APOL1: variants seen among roughly 807,000 people sequenced by gnomAD.
APOL1 encodes the protein apolipoprotein L1, also known as apolipoprotein L 1.
APOL1 carries 17 observed loss-of-function variants against 14.9 expected under a neutral mutation model. The observed-to-expected ratio is 1.14, with a 90% confidence interval of 0.78 to 1.71. APOL1 has a LOEUF of 1.71. Ranked by LOEUF, APOL1 falls within the 40% of genes most tolerant of loss-of-function variation. The probability of loss-of-function intolerance (pLI) is 0.00; values close to 1 mark genes in which losing one functional copy is unlikely to be tolerated. For missense variants in APOL1, 523 were observed against 485.9 expected, an observed-to-expected ratio of 1.08 and a Z score of -0.72; for synonymous variants, 195 against 184.8, an observed-to-expected ratio of 1.05 and a Z score of -0.45.
chr22:36,265,081 G>A (rs867278256), intron 5 of APOL1, 70 bp from the exon 6 acceptor site: 4 of 1,584,800 alleles, frequency 2.5e-6, no homozygotes, highest in Non-Finnish European at 2.6e-6. Context: ...AAAGTGCTGG[G>A]ATTACAGGTG....
In APOL1 at chr22:36,266,015, G is replaced by A. The variant is rs2016249598; in HGVS notation, c.1179G>A (p.Gln393=). The change falls in exon 6 of 6, where the codon CAG becomes CAA. Residue 393 remains glutamine (Q), a synonymous_variant. Coordinates refer to ENST00000397278, the MANE Select transcript of APOL1 (RefSeq NM_003661.4). ...NILNNNYKIL[Q]ADQEL is the part of the protein sequence containing the mutation. The stretch of plus-strand genomic sequence containing the variant: ...TCAACAATAATTATAAGATTCTGCA[G>A]GCGGACCAAGAACTGTGACCACAGG... 1.2e-6 allele frequency: 2 copies of A among 1,607,632 alleles called. No individual in the cohort carries two copies. Among genetic ancestry groups the A allele is most frequent in the Non-Finnish European group, 1.7e-6 (2 of 1,176,540 alleles).
At chr22:36,259,936 A>G in intron 4 of APOL1, 2 of 1,267,216 alleles carry the variant, frequency 1.6e-6, no homozygotes, top group South Asian at 1.3e-5. Flanking sequence ...ATAAGGGAGA[A>G]TGCAGAGACC....
chr22:36,259,744 G>C, intron 4 of APOL1: 1 of 1,304,280 alleles, frequency 7.7e-7, no homozygotes, highest in Non-Finnish European at 1.0e-6. Flanking sequence ...AGGCAACATG[G>C]AGGTGCCTCA....
In APOL1 at chr22:36,265,298, C is replaced by T. The variant is rs1263199748; in HGVS notation, c.462C>T (p.Asn154=). The change falls in exon 6 of 6, where the codon AAC becomes AAT. Residue 154 remains asparagine (N), a synonymous_variant. Transcript: ENST00000397278. ...FPRLKSELED[N]IRRLRALADG... ...GGTTGAAAAGTGAGCTTGAGGATAACATAAGAAGGCTCCGTGCCCTTGCAG... is the reference window on the plus strand; with the variant it reads ...GGTTGAAAAGTGAGCTTGAGGATAATATAAGAAGGCTCCGTGCCCTTGCAG... 4 of 1,613,566 alleles carry T rather than the reference C, an allele frequency of 2.5e-6. No individual in the cohort carries two copies. Among genetic ancestry groups the T allele is most frequent in the South Asian group, 2.2e-5 (2 of 91,038 alleles).
intron 4 of APOL1, chr22:36,257,671 G>T: frequency 3.0e-6 from 1 of 336,460 alleles, no homozygotes; most frequent in Non-Finnish European, 5.7e-6. Context: ...AGTGGGGCAG[G>T]ACATCCTTGG....
intron 4 of APOL1, among the ~76,000 whole-genome samples, chr22:36,258,051 T>C (rs1569533874): frequency 6.6e-6 from 1 of 152,228 alleles, no homozygotes; most frequent in South Asian, 2.1e-4. Context: ...CACGGCTACC[T>C]GGCCTGGCCA....
chr22:36,254,065 G>T, intron 1 of APOL1: 1 of 1,575,502 alleles, frequency 6.3e-7, no homozygotes, highest in South Asian at 1.1e-5. Flanking sequence ...GAAACTTTTG[G>T]ATTATTAAAA....
intron 5 of APOL1, 104 bp downstream of exon 5, chr22:36,261,826 T>C: frequency 1.4e-6 from 2 of 1,400,272 alleles, no homozygotes; most frequent in Non-Finnish European, 1.9e-6. Context: ...GGCAGCCCCC[T>C]CTGCTGGGCT....
At chr22:36,263,588 T>G (rs1056372885) in intron 5 of APOL1, among the ~76,000 whole-genome samples, 21 of 152,240 alleles carry the variant, frequency 1.4e-4, no homozygotes, top group African/African-American at 4.8e-4. Flanking sequence ...TGGGAGGGTT[T>G]TAAGTGTGAA....
rs540320554 is a variant in APOL1 at position 36,258,043 on chromosome 22, C to T, written c.187+636C>T. Among the ~76,000 whole-genome samples, 15 of 152,346 alleles carry T rather than the reference C, an allele frequency of 9.8e-5. No homozygotes were observed. In the South Asian group the frequency reaches 2.3e-3, roughly 23 times the overall value. On this transcript the variant is annotated intron_variant, in intron 4 of 5. Transcript: ENST00000397278. Reference sequence around the variant, plus strand: ...GTTGTCTTGAGGATCAAATATAACACGGCTACCTGGCCTGGCCAGTGCCTG... The same window carrying T: ...GTTGTCTTGAGGATCAAATATAACATGGCTACCTGGCCTGGCCAGTGCCTG...
rs78940779 is a variant in APOL1 at position 36,257,699 on chromosome 22, G to A, written c.187+292G>A. On this transcript the variant is annotated intron_variant, in intron 4 of 5. Transcript: ENST00000397278. ...ATCCTTGGGGAAGTGGAATCAGCGG[G>A]GGGGGGGGGGAGTGTGGGGAGAGCA... 1.4e-4 allele frequency: 41 copies of A among 299,244 alleles called. 1 individual carries two copies. In the East Asian group the frequency reaches 2.6e-3, roughly 19 times the overall value. 18.5% of individuals were successfully genotyped at this position (299,244 alleles called of 1,614,324 possible).
At position 36,254,867 on chromosome 22, in the gene APOL1, A is replaced by T. The variant is rs187608085; in HGVS notation, c.-19-70A>T. The T allele has an allele frequency of 5.0e-6, 8 of 1,594,738 alleles. No homozygotes were observed. In the African/African-American group the frequency reaches 1.1e-4, roughly 21 times the overall value. On this transcript the variant is annotated intron_variant, in intron 1 of 5. Transcript: ENST00000397278. ...GATAGAGCGAGACTCCATTTCAAAA[A>T]AAAAATGAAATGAAAATGGTGATTT...
Position 36,265,743 on chromosome 22 carries a change from C to T in APOL1, c.907C>T (p.Arg303Cys), listed in dbSNP as rs924369031. 24 of 1,613,996 alleles carry T rather than the reference C, an allele frequency of 1.5e-5. No individual in the cohort carries two copies. The East Asian group carries it at 1.8e-4, about 12-fold the overall frequency. ...LQSVPHASAS[R>C]PRVTEPISAE... ...GTCAGTACCGCATGCCTCAGCCTCA[C>T]GCCCCCGGGTCACTGAGCCAATCTC... The change falls in exon 6 of 6, where the codon CGC becomes TGC. Residue 303 changes from arginine (R) to cysteine (C), a missense_variant. Physicochemically the swap from Arg to Cys is radical, Grantham distance 180 (BLOSUM62 -3). Coordinates refer to ENST00000397278, the MANE Select transcript of APOL1 (RefSeq NM_003661.4).
At chr22:36,259,498 C>T (rs931307278) in intron 4 of APOL1, among the ~76,000 whole-genome samples, 2 of 152,182 alleles carry the variant, frequency 1.3e-5, no homozygotes, top group Non-Finnish European at 2.9e-5. Flanking sequence ...TCAGGAGCCG[C>T]CCTGGACAGC....
intron 5 of APOL1, among the ~76,000 whole-genome samples, chr22:36,263,604 A>G (rs1181731336): frequency 6.6e-6 from 1 of 152,252 alleles, no homozygotes; most frequent in Non-Finnish European, 1.5e-5. Flanking sequence ...GTGAAGCTTC[A>G]TTGTCCTCAG....
chr22:36,263,500 A>G (rs1262493974), intron 5 of APOL1, among the ~76,000 whole-genome samples: 1 of 152,260 alleles, frequency 6.6e-6, no homozygotes, highest in Non-Finnish European at 1.5e-5. Context: ...GAAAACTGCT[A>G]TTTCACAATT....
At chr22:36,259,697 A>C (rs1422360346) in intron 4 of APOL1, 38 of 1,303,642 alleles carry the variant, frequency 2.9e-5, no homozygotes, top group Non-Finnish European at 3.7e-5. Context: ...GTGACAGTGG[A>C]GAGCCGTGTA....
At chr22:36,259,703 G>C in intron 4 of APOL1, 1 of 1,303,862 alleles carries the variant, frequency 7.7e-7, no homozygotes, top group African/African-American at 1.5e-5. Context: ...GTGGAGAGCC[G>C]TGTACCCTGA....
rs567852793 is a variant in APOL1 at position 36,264,435 on chromosome 22, G to A, written c.315-716G>A. ...GGACAAAGGGAAGGCCTCTCTTTGG[G>A]TAAAGTTCATGCTTCACTTTCCTGC... On this transcript the variant is annotated intron_variant, in intron 5 of 5. Transcript: ENST00000397278. Among the ~76,000 whole-genome samples the A allele has an allele frequency of 3.9e-5, 6 of 152,282 alleles. No individual in the cohort carries two copies. The South Asian group carries it at 6.2e-4, about 16-fold the overall frequency.
Sources: gnomAD v4.1 joint callset for allele counts (sites outside exome capture counted in the v4.1 genomes callset) on GRCh38, gnomAD v4.1.1 for gene constraint, MANE v1.5 for transcripts, NCBI Gene and HGNC (gene_info 2026-07-23, HGNC 2026-07-21) for gene names.